The following PDSS2 variants were observed in gnomAD, a reference collection of about 807,000 sequenced individuals.
PDSS2 encodes decaprenyl diphosphate synthase subunit 2, also known as all trans-polyprenyl-diphosphate synthase PDSS2.
PDSS2 carries 31 observed loss-of-function variants against 44.5 expected under a neutral mutation model. That is an observed-to-expected ratio of 0.70 (90% CI 0.52 to 0.94). The LOEUF (loss-of-function observed/expected upper bound fraction) is 0.94. Among genes scored for constraint, PDSS2 ranks in the 40% least tolerant of loss-of-function variants. The pLI is 0.00. For missense variants in PDSS2, 452 were observed against 482.2 expected (o/e 0.94, Z 0.59); for synonymous variants, 157 against 180.3 (o/e 0.87, Z 1.03).
chr6:107,299,672 A>T lies in PDSS2; in HGVS notation c.432-25445T>A, dbSNP rs137910356. Among the ~76,000 whole-genome samples, 571 of 152,278 alleles carry T rather than the reference A, an allele frequency of 3.7e-3. 1 individual carries two copies. Among genetic ancestry groups the T allele is most frequent in the Admixed American group, 6.3e-3 (96 of 15,288 alleles). Reference sequence around the variant, plus strand: ...AAGAATGCGGCTTCCCGAATATATTAATGCCCCATTGTATAGGAGTTTTTC... The same window carrying T: ...AAGAATGCGGCTTCCCGAATATATTTATGCCCCATTGTATAGGAGTTTTTC... On this transcript the variant is annotated intron_variant, in intron 2 of 7. Transcript: ENST00000369037.
chr6:107,334,846 C>T (rs1403882984), intron 1 of PDSS2, among the ~76,000 whole-genome samples: 2 of 152,088 alleles, frequency 1.3e-5, no homozygotes, highest in African/African-American at 4.8e-5. Context: ...CCATGCCCAG[C>T]CCATGGCCAG....
chr6:107,403,831 C>T (rs140744258), intron 1 of PDSS2, among the ~76,000 whole-genome samples: 191 of 152,306 alleles, frequency 1.3e-3, no homozygotes, highest in Non-Finnish European at 2.5e-3. Context: ...ATTTTTCCCT[C>T]CTAGGCCATG....
At chr6:107,336,063 C>T (rs1160520587) in intron 1 of PDSS2, among the ~76,000 whole-genome samples, 7 of 151,354 alleles carry the variant, frequency 4.6e-5, no homozygotes, top group African/African-American at 7.3e-5. Flanking sequence ...GAGACCAGCC[C>T]GGCCAACATG....
At chr6:107,231,144 CAA>C (rs980572026) in intron 4 of PDSS2, among the ~76,000 whole-genome samples, 13 of 152,144 alleles carry the variant, frequency 8.5e-5, no homozygotes, top group Non-Finnish European at 1.8e-4. Context: ...CTACTTTCTG[CAA>C]AGAGACAGAA....
Position 107,274,163 on chromosome 6 carries a change from C to T in PDSS2, c.496G>A (p.Val166Ile), listed in dbSNP as rs1162160483. 1.9e-6 allele frequency: 3 copies of T among 1,613,838 alleles called. No individual in the cohort carries two copies. In the Admixed American group the frequency reaches 5.0e-5, roughly 27 times the overall value. ...GATGATTGCAACTCATTTAAATTTA[C>T]TATCCCACGATGTACAAGGAGAGCA... ...HIALLVHRGI[V>I]NLNELQSSDG... Residue 166 changes from valine to isoleucine, a missense_variant, in exon 3 of 8, where the codon GTA becomes ATA. Physicochemically the swap from Val to Ile is conservative, Grantham distance 29. Coordinates refer to ENST00000369037, the MANE Select transcript of PDSS2 (RefSeq NM_020381.4).
chr6:107,231,155 A>G (rs1263040604), intron 4 of PDSS2, among the ~76,000 whole-genome samples: 1 of 152,212 alleles, frequency 6.6e-6, no homozygotes, highest in African/African-American at 2.4e-5. Context: ...AAAGAGACAG[A>G]AATGAACCTG....
intron 3 of PDSS2, among the ~76,000 whole-genome samples, chr6:107,248,163 A>T (rs9373934): frequency 0.16 from 23,711 of 152,130 alleles, 2,371 homozygotes; most frequent in East Asian, 0.25. Flanking sequence ...ATTACCCCAG[A>T]CATTCACCTG....
chr6:107,420,440 G>A (rs1234272178), intron 1 of PDSS2, among the ~76,000 whole-genome samples: 1 of 152,154 alleles, frequency 6.6e-6, no homozygotes, highest in African/African-American at 2.4e-5. Flanking sequence ...TCACTACATC[G>A]CTATCATAAT....
At chr6:107,239,606 A>G (rs1229908387) in intron 4 of PDSS2, among the ~76,000 whole-genome samples, 2 of 147,750 alleles carry the variant, frequency 1.4e-5, no homozygotes, top group African/African-American at 2.5e-5. Flanking sequence ...TCTGTTTTCA[A>G]TTATTATTTA....
intron 1 of PDSS2, among the ~76,000 whole-genome samples, chr6:107,351,301 A>G (rs1398458762): frequency 1.3e-5 from 2 of 152,220 alleles, no homozygotes; most frequent in East Asian, 1.9e-4. Flanking sequence ...TTTTGTTAAC[A>G]AATACAGCTG....
At chr6:107,367,131 C>T (rs1362022278) in intron 1 of PDSS2, among the ~76,000 whole-genome samples, 2 of 152,080 alleles carry the variant, frequency 1.3e-5, no homozygotes, top group Non-Finnish European at 2.9e-5. Context: ...GGCTCATATA[C>T]CACGACTAAG....
chr6:107,298,255 G>C (rs892745071), intron 2 of PDSS2, among the ~76,000 whole-genome samples: 3 of 152,106 alleles, frequency 2.0e-5, no homozygotes, highest in Non-Finnish European at 4.4e-5. Context: ...ATTGGTATTG[G>C]TGGGTTCTAC....
intron 7 of PDSS2, among the ~76,000 whole-genome samples, chr6:107,164,168 A>AGTT (rs1554247164): frequency 1.3e-5 from 2 of 150,276 alleles, no homozygotes; most frequent in Non-Finnish European, 3.0e-5. Flanking sequence ...CTTAAAAAAA[A>AGTT]TTTTTTTTTT....
chr6:107,279,887 T>C (rs188437860), intron 2 of PDSS2, among the ~76,000 whole-genome samples: 100 of 152,302 alleles, frequency 6.6e-4, no homozygotes, highest in African/African-American at 2.2e-3. Context: ...CAGAGAAGCA[T>C]TGACAGTATG....
chr6:107,355,567 TGA>T, intron 1 of PDSS2, among the ~76,000 whole-genome samples: 1 of 152,248 alleles, frequency 6.6e-6, no homozygotes, highest in East Asian at 1.9e-4. Flanking sequence ...CTCATAGAGG[TGA>T]GAGTCTCCAA....
intron 3 of PDSS2, 39 bp downstream of exon 3, chr6:107,273,990 G>A: frequency 6.4e-7 from 1 of 1,552,916 alleles, no homozygotes; most frequent in Non-Finnish European, 8.9e-7. Flanking sequence ...ATTGCTACCT[G>A]AAGCCATTCA....
At position 107,153,878 on chromosome 6, in the gene PDSS2, C is replaced by T. The variant is rs1262206497; in HGVS notation, c.*741G>A. The T allele has an allele frequency of 2.6e-5, 4 of 152,426 alleles. No individual in the cohort carries two copies. Among genetic ancestry groups the T allele is most frequent in the Admixed American group, 2.6e-4 (4 of 15,276 alleles). 9.4% of individuals were successfully genotyped at this position (152,426 alleles called of 1,614,324 possible). On this transcript the variant is annotated 3_prime_UTR_variant, in exon 8 of 8. Transcript: ENST00000369037. The stretch of plus-strand genomic sequence containing the variant: ...ATCACCTGAGGTCAGGAGTTCGAGA[C>T]TAGCCTGACCAACATAGTGAAACCC...
intron 2 of PDSS2, 89 bp downstream of exon 2, chr6:107,334,109 T>C (rs926387210): frequency 2.3e-5 from 26 of 1,125,014 alleles, no homozygotes; most frequent in Middle Eastern, 2.3e-4. Flanking sequence ...AATCAGAGAA[T>C]GACAAAGAAT....
intron 2 of PDSS2, among the ~76,000 whole-genome samples, chr6:107,288,572 T>C (rs1776232392): frequency 6.6e-6 from 1 of 151,868 alleles, no homozygotes; most frequent in Non-Finnish European, 1.5e-5. Context: ...TGGAGGGAAG[T>C]AGGGGATAGT....
Sources: allele counts gnomAD v4.1 joint callset (sites outside exome capture counted in the v4.1 genomes callset), GRCh38; gene constraint gnomAD v4.1.1; transcripts MANE v1.5; gene names NCBI Gene and HGNC (gene_info 2026-07-23, HGNC 2026-07-21).